Variants in NALF1 observed in about 807,000 individuals in gnomAD.
The protein encoded by NALF1 is family with sequence similarity 155 member A.
Under a neutral mutation model 48.4 loss-of-function variants are expected in NALF1, and 3 were observed. The observed-to-expected ratio is 0.06, with a 90% confidence interval of 0.03 to 0.16. The LOEUF is 0.16. Ranked by LOEUF, NALF1 falls within the 10% of genes least tolerant of loss-of-function variation. The pLI is 1.00. For missense variants in NALF1, 526 were observed against 571.5 expected (o/e 0.92, Z 0.81); for synonymous variants, 262 against 245.7 (o/e 1.07, Z -0.62).
intron 2 of NALF1, among the ~76,000 whole-genome samples, chr13:107,184,119 G>A (rs773178042): frequency 6.6e-6 from 1 of 150,912 alleles, no homozygotes; most frequent in Admixed American, 6.6e-5. Context: ...ACCATGGCAC[G>A]TATATATCTA....
intron 1 of NALF1, among the ~76,000 whole-genome samples, chr13:107,345,565 C>T (rs886875838): frequency 2.6e-5 from 4 of 152,126 alleles, no homozygotes; most frequent in African/African-American, 7.2e-5. Context: ...AAAGAAGAGT[C>T]TCTTCAAAAA....
intron 1 of NALF1, among the ~76,000 whole-genome samples, chr13:107,590,200 G>C (rs1878567740): frequency 1.3e-5 from 2 of 152,034 alleles, no homozygotes; most frequent in South Asian, 4.1e-4. Context: ...CAAATGAGTA[G>C]TAAGAAATCC....
At chr13:107,758,855 A>G (rs533330513) in intron 1 of NALF1, among the ~76,000 whole-genome samples, 1 of 152,378 alleles carries the variant, frequency 6.6e-6, no homozygotes, top group Non-Finnish European at 1.5e-5. Flanking sequence ...TTTTATTCAG[A>G]ATCTCAATAC....
chr13:107,565,038 G>A (rs1877755160), intron 1 of NALF1, among the ~76,000 whole-genome samples: 1 of 44,764 alleles, frequency 2.2e-5, no homozygotes, highest in African/African-American at 8.2e-5. Context: ...TAAACACAAA[G>A]AAGTAGGAAA....
intron 1 of NALF1, among the ~76,000 whole-genome samples, chr13:107,493,655 T>C (rs1003683898): frequency 5.3e-5 from 8 of 151,980 alleles, no homozygotes; most frequent in African/African-American, 1.9e-4. Context: ...GGCAGGAGGA[T>C]CACTTGAGTC....
chr13:107,236,588 T>C (rs78039279), intron 1 of NALF1, among the ~76,000 whole-genome samples: 2,410 of 152,264 alleles, frequency 0.016, 58 homozygotes, highest in African/African-American at 0.055. Context: ...CAAATTAGTA[T>C]CAAATCCATG....
At chr13:107,515,936 A>T (rs891443233) in intron 1 of NALF1, among the ~76,000 whole-genome samples, 2 of 152,208 alleles carry the variant, frequency 1.3e-5, no homozygotes, top group African/African-American at 4.8e-5. Context: ...GAACTGAAAA[A>T]ATCTCACAAA....
intron 1 of NALF1, among the ~76,000 whole-genome samples, chr13:107,677,474 G>C (rs1284246772): frequency 6.6e-6 from 1 of 152,184 alleles, no homozygotes; most frequent in Non-Finnish European, 1.5e-5. Context: ...GGAATAATTA[G>C]AATTGGGCAT....
chr13:107,233,344 G>A (rs1176751727), intron 1 of NALF1, among the ~76,000 whole-genome samples: 2 of 152,100 alleles, frequency 1.3e-5, no homozygotes, highest in Admixed American at 6.5e-5. Flanking sequence ...CTCAGTCATC[G>A]ATCAGTAGTG....
intron 1 of NALF1, among the ~76,000 whole-genome samples, chr13:107,780,423 T>C (rs1272924432): frequency 6.6e-6 from 1 of 152,104 alleles, no homozygotes; most frequent in African/African-American, 2.4e-5. Flanking sequence ...ATGTTTAATA[T>C]AGGAATGATT....
intron 2 of NALF1, among the ~76,000 whole-genome samples, chr13:107,204,333 C>T (rs1439335795): frequency 6.6e-6 from 1 of 152,220 alleles, no homozygotes; most frequent in Non-Finnish European, 1.5e-5. Context: ...GGGGTCCCAT[C>T]TAGCTCGGGC....
rs77115337 is a variant in NALF1, at chr13:107,588,106, C to T, written c.915+277576G>A. ...TCACAATTCTCGCATCAAGTGGGCA[C>T]ATTCCTAAACATCTTTCTCTACTCT... On this transcript the variant is annotated intron_variant, in intron 1 of 2. Coordinates refer to ENST00000375915, the MANE Select transcript of NALF1 (RefSeq NM_001080396.3). 6.6e-5 allele frequency among the ~76,000 whole-genome samples: 10 copies of T among 152,250 alleles called. No individual in the cohort carries two copies. The East Asian group carries it at 1.9e-3, about 29-fold the overall frequency.
At chr13:107,722,770 T>C (rs555478439) in intron 1 of NALF1, among the ~76,000 whole-genome samples, 1 of 152,224 alleles carries the variant, frequency 6.6e-6, no homozygotes, top group African/African-American at 2.4e-5. Flanking sequence ...GACTTCAGAG[T>C]TGCCATAAGA....
intron 1 of NALF1, among the ~76,000 whole-genome samples, chr13:107,745,929 T>A (rs9559147): frequency 0.73 from 110,258 of 152,070 alleles, 42,562 homozygotes; most frequent in Non-Finnish European, 0.84. Flanking sequence ...TCTGGGTTCA[T>A]CAAGAGCACA....
rs1880754404 is a variant in NALF1 at position 107,866,909 on chromosome 13, AG to A, written c.-314del. ...GTGGGAAACAATAATGGAGAGAGAG[AG>A]AGAGAGAGAGACGGAGGAGGCTGGT... On this transcript the variant is annotated 5_prime_UTR_variant, in exon 1 of 3. Transcript: ENST00000375915. This position sits in a 1 kb window ranked among gnomAD's most constrained non-coding sequence, Gnocchi z 4.4. 6.6e-6 allele frequency among the ~76,000 whole-genome samples: 1 copy of A among 151,934 alleles called. No homozygotes were observed. Among genetic ancestry groups the A allele is most frequent in the South Asian group, 2.1e-4 (1 of 4,818 alleles).
At chr13:107,519,848 G>T (rs1269174004) in intron 1 of NALF1, among the ~76,000 whole-genome samples, 2 of 152,102 alleles carry the variant, frequency 1.3e-5, no homozygotes, top group African/African-American at 4.8e-5. Flanking sequence ...GTATTATTCA[G>T]TTAGAATTAA....
intron 2 of NALF1, among the ~76,000 whole-genome samples, chr13:107,185,374 T>C (rs1879149038): frequency 1.3e-5 from 2 of 148,922 alleles, no homozygotes; most frequent in African/African-American, 2.5e-5. Flanking sequence ...GTGCGTGTTA[T>C]TCCCCCCACC....
At chr13:107,229,526 T>C (rs903713606) in intron 1 of NALF1, among the ~76,000 whole-genome samples, 3 of 152,174 alleles carry the variant, frequency 2.0e-5, no homozygotes, top group Non-Finnish European at 4.4e-5. Context: ...TCGGCTCAGC[T>C]GCTAACCTTT....
intron 1 of NALF1, among the ~76,000 whole-genome samples, chr13:107,862,808 C>G (rs1271650611): frequency 6.6e-6 from 1 of 151,666 alleles, no homozygotes; most frequent in Non-Finnish European, 1.5e-5. Context: ...TTAATTTATT[C>G]TTATTTTATA....
Sources: gnomAD v4.1 joint callset for allele counts (sites outside exome capture counted in the v4.1 genomes callset) on GRCh38, gnomAD v4.1.1 for gene constraint, Gnocchi (gnomAD v3.1) non-coding constraint, MANE v1.5 for transcripts, NCBI Gene and HGNC (gene_info 2026-07-23, HGNC 2026-07-21) for gene names.